MOGAT1: variants seen among roughly 807,000 people sequenced by gnomAD.
MOGAT1 encodes monoacylglycerol O-acyltransferase 1.
MOGAT1 carries 32 observed loss-of-function variants against 31.4 expected under a neutral mutation model. The observed-to-expected ratio is 1.02, with a 90% CI of 0.77 to 1.37. The LOEUF is 1.37. Among genes scored for constraint, MOGAT1 ranks in the 40% most tolerant of loss-of-function variants. The pLI, the probability that MOGAT1 is intolerant of heterozygous loss-of-function variation, is 0.00. For synonymous variants in MOGAT1, 145 were observed against 144.5 expected (o/e 1.00, Z -0.03); for missense variants, 426 against 402.0 (o/e 1.06, Z -0.51).
In MOGAT1 at chr2:222,689,293, G is replaced by C. The variant is rs772675797; in HGVS notation, c.302G>C (p.Ser101Thr). Residue 101 changes from serine to threonine, a missense_variant, in exon 3 of 6, where the codon AGT (serine) becomes ACT (threonine). Coordinates refer to ENST00000446656, the MANE Select transcript of MOGAT1 (RefSeq NM_058165.3). ...ATCAAAACTCAAGATTTGGATCCAA[G>C]TCACAACTATATATTTGGGTTTCAC... ...HLIKTQDLDPSHNYIFGFHPH... is the reference protein window; with the variant it reads ...HLIKTQDLDPTHNYIFGFHPH... 6.2e-7 allele frequency: 1 copy of C among 1,613,812 alleles called. No homozygotes were observed. Among genetic ancestry groups the C allele is most frequent in the South Asian group, 1.1e-5 (1 of 91,076 alleles).
intron 5 of MOGAT1, among the ~76,000 whole-genome samples, chr2:222,705,026 G>A (rs531005716): frequency 1.3e-5 from 2 of 152,266 alleles, no homozygotes; most frequent in South Asian, 2.1e-4. Context: ...TGGCCACTCC[G>A]TAAACAGAGC....
chr2:222,688,545 G>T, intron 2 of MOGAT1, 23 bp downstream of exon 2: 7 of 1,539,944 alleles, frequency 4.5e-6, no homozygotes, highest in Non-Finnish European at 6.2e-6. Flanking sequence ...GTTTTATAAA[G>T]TATTATTTTG....
At chr2:222,689,065 A>T (rs1692719611) in intron 2 of MOGAT1, among the ~76,000 whole-genome samples, 200 bp from the exon 3 acceptor site, 1 of 152,244 alleles carries the variant, frequency 6.6e-6, no homozygotes, top group African/African-American at 2.4e-5. Context: ...AGCTGACTTG[A>T]CAAAATCTAG....
chr2:222,707,984 C>T (rs1176261542), intron 5 of MOGAT1, among the ~76,000 whole-genome samples: 1 of 152,208 alleles, frequency 6.6e-6, no homozygotes, highest in Non-Finnish European at 1.5e-5. Flanking sequence ...CATTCATTAC[C>T]TAGAGCCCAC....
At chr2:222,693,652 A>C (rs1479599379) in intron 3 of MOGAT1, among the ~76,000 whole-genome samples, 1 of 152,014 alleles carries the variant, frequency 6.6e-6, no homozygotes, top group Non-Finnish European at 1.5e-5. Flanking sequence ...GAGCTTGTGC[A>C]GGGAAACTCC....
intron 1 of MOGAT1, among the ~76,000 whole-genome samples, chr2:222,683,126 C>T (rs374904442): frequency 1.3e-5 from 2 of 151,106 alleles, no homozygotes; most frequent in East Asian, 2.0e-4. Flanking sequence ...ATCACCTGAG[C>T]CCAAGAGGTC....
chr2:222,679,900 G>T (rs984895986), intron 1 of MOGAT1, among the ~76,000 whole-genome samples: 2 of 152,194 alleles, frequency 1.3e-5, no homozygotes, highest in Non-Finnish European at 2.9e-5. Flanking sequence ...AAGGAAGTCT[G>T]CTTTGCTTTA....
intron 3 of MOGAT1, among the ~76,000 whole-genome samples, chr2:222,693,067 A>G (rs16864008): frequency 0.042 from 6,334 of 152,292 alleles, 162 homozygotes; most frequent in African/African-American, 0.065. Flanking sequence ...CCAGAGTAAA[A>G]TTAGCATATC....
At chr2:222,690,327 G>A (rs953431638) in intron 3 of MOGAT1, among the ~76,000 whole-genome samples, 1 of 152,136 alleles carries the variant, frequency 6.6e-6, no homozygotes, top group Admixed American at 6.5e-5. Flanking sequence ...GGGAGGCCGA[G>A]GTGGGGTGAA....
At chr2:222,692,153 A>G (rs994076883) in intron 3 of MOGAT1, among the ~76,000 whole-genome samples, 25 of 152,218 alleles carry the variant, frequency 1.6e-4, no homozygotes, top group Admixed American at 1.4e-3. Flanking sequence ...GGTTACAGGC[A>G]GGTAGGCCTG....
At chr2:222,702,630 A>T (rs1276850848) in intron 5 of MOGAT1, among the ~76,000 whole-genome samples, 1 of 152,112 alleles carries the variant, frequency 6.6e-6, no homozygotes, top group Non-Finnish European at 1.5e-5. Context: ...TTTTTCAATA[A>T]AAAAGATAGG....
At chr2:222,706,398 G>T (rs373961547) in intron 5 of MOGAT1, among the ~76,000 whole-genome samples, 2 of 151,806 alleles carry the variant, frequency 1.3e-5, no homozygotes, top group South Asian at 4.2e-4. Context: ...GCTTGAACCT[G>T]GGGGGCAGAG....
At chr2:222,702,538 C>T (rs1318206503) in intron 5 of MOGAT1, among the ~76,000 whole-genome samples, 6 of 151,974 alleles carry the variant, frequency 3.9e-5, no homozygotes, top group East Asian at 3.9e-4. Flanking sequence ...CGTGTGCACA[C>T]GTGCACAAAA....
At chr2:222,686,901 T>G (rs964381724) in intron 1 of MOGAT1, among the ~76,000 whole-genome samples, 1 of 151,734 alleles carries the variant, frequency 6.6e-6, no homozygotes, top group Non-Finnish European at 1.5e-5. Flanking sequence ...TCACTTGAGG[T>G]CAGGAGTTTG....
chr2:222,684,735 C>T (rs1228377196), intron 1 of MOGAT1, among the ~76,000 whole-genome samples: 1 of 152,016 alleles, frequency 6.6e-6, no homozygotes, highest in Non-Finnish European at 1.5e-5. Flanking sequence ...TGCCACCACG[C>T]CCAGCTAATT....
chr2:222,701,804 T>G (rs1439395299), intron 5 of MOGAT1, among the ~76,000 whole-genome samples: 1 of 152,102 alleles, frequency 6.6e-6, no homozygotes, highest in Non-Finnish European at 1.5e-5. Flanking sequence ...TAAGAGGCAT[T>G]TATTATGCAG....
chr2:222,699,497 T>TG, intron 5 of MOGAT1: 1 of 135,906 alleles, frequency 7.4e-6, no homozygotes. Context: ...TTTCTTTTTT[T>TG]TTTTTTTTTT....
intron 1 of MOGAT1, among the ~76,000 whole-genome samples, chr2:222,676,190 T>C (rs1448250584): frequency 6.6e-6 from 1 of 151,686 alleles, no homozygotes; most frequent in Non-Finnish European, 1.5e-5. Context: ...TCTCTCTATG[T>C]TGTCTAGGTT....
intron 1 of MOGAT1, among the ~76,000 whole-genome samples, chr2:222,684,837 A>G (rs369326892): frequency 1.3e-5 from 2 of 152,118 alleles, no homozygotes; most frequent in African/African-American, 4.8e-5. Flanking sequence ...GGCCTCCCAA[A>G]GTGCTGGGAT....
Sources: gnomAD v4.1 joint callset for allele counts (sites outside exome capture counted in the v4.1 genomes callset) on GRCh38, gnomAD v4.1.1 for gene constraint, MANE v1.5 for transcripts, NCBI Gene and HGNC (gene_info 2026-07-23, HGNC 2026-07-21) for gene names.